The following CADPS variants were observed in gnomAD, a reference collection of about 807,000 sequenced individuals.
CADPS encodes calcium-dependent secretion activator 1.
Under a neutral mutation model 167.3 loss-of-function variants are expected in CADPS, and 57 were observed. The observed-to-expected ratio is 0.34, with a 90% CI of 0.28 to 0.42. The LOEUF (loss-of-function observed/expected upper bound fraction) is 0.42. Among genes scored for constraint, CADPS ranks in the 20% least tolerant of loss-of-function variants. CADPS has a pLI of 1.00. For missense variants in CADPS, 1,414 were observed against 1,738.1 expected (o/e 0.81, Z 3.32); for synonymous variants, 676 against 635.3 (o/e 1.06, Z -0.96).
chr3:62,737,135 C>G (rs930214233), intron 3 of CADPS, among the ~76,000 whole-genome samples: 11 of 151,858 alleles, frequency 7.2e-5, no homozygotes, highest in African/African-American at 2.7e-4. Flanking sequence ...GAGACTCCAT[C>G]TAAAAAAATA....
At chr3:62,467,569 C>T (rs967862485) in intron 24 of CADPS, among the ~76,000 whole-genome samples, 5 of 152,004 alleles carry the variant, frequency 3.3e-5, no homozygotes, top group African/African-American at 1.2e-4. Context: ...ATTGGAAGAC[C>T]TGGATAAAGT....
intron 17 of CADPS, among the ~76,000 whole-genome samples, chr3:62,502,387 C>T (rs2065912374): frequency 6.6e-6 from 1 of 151,742 alleles, no homozygotes; most frequent in Non-Finnish European, 1.5e-5. Context: ...AGCTGGAGCA[C>T]TGATAAAATG....
chr3:62,524,169 G>A (rs2071444085), intron 13 of CADPS, among the ~76,000 whole-genome samples: 1 of 152,212 alleles, frequency 6.6e-6, no homozygotes, highest in African/African-American at 2.4e-5. Flanking sequence ...TGCATGGAAA[G>A]TTTTCCTTTG....
At chr3:62,460,934 T>C (rs967558861) in intron 26 of CADPS, among the ~76,000 whole-genome samples, 2 of 152,172 alleles carry the variant, frequency 1.3e-5, no homozygotes, top group African/African-American at 4.8e-5. Context: ...ATTTATTTGA[T>C]CGGAGGAGGA....
At chr3:62,695,465 T>C (rs1375088314) in intron 3 of CADPS, among the ~76,000 whole-genome samples, 1 of 152,076 alleles carries the variant, frequency 6.6e-6, no homozygotes, top group Non-Finnish European at 1.5e-5. Flanking sequence ...TATCCATATC[T>C]AGGAAAGATA....
chr3:62,503,032 C>T (rs1474053447), intron 17 of CADPS, among the ~76,000 whole-genome samples: 1 of 151,998 alleles, frequency 6.6e-6, no homozygotes, highest in Non-Finnish European at 1.5e-5. Context: ...GACAAGGACT[C>T]TTACCAGTGT....
intron 17 of CADPS, among the ~76,000 whole-genome samples, chr3:62,504,137 T>C (rs992168660): frequency 6.6e-6 from 1 of 152,158 alleles, no homozygotes; most frequent in African/African-American, 2.4e-5. Context: ...TGCTGGACCA[T>C]TTCAGTGTTT....
rs376128129 is a variant in CADPS at position 62,591,477 on chromosome 3, G to A, written c.1437+1160C>T. 2.8e-4 allele frequency among the ~76,000 whole-genome samples: 43 copies of A among 152,282 alleles called. No homozygotes were observed. The South Asian group carries it at 5.2e-3, about 18-fold the overall frequency. Reference sequence around the variant, plus strand: ...TGACAACAGATAGAAAGTCCCCTGAGGAGGGAGAGAATTTGGTTTATATGA... The same window carrying A: ...TGACAACAGATAGAAAGTCCCCTGAAGAGGGAGAGAATTTGGTTTATATGA... On this transcript the variant is annotated intron_variant, in intron 7 of 29. Transcript: ENST00000383710.
At chr3:62,583,960 T>C (rs1451390495) in intron 8 of CADPS, among the ~76,000 whole-genome samples, 1 of 152,016 alleles carries the variant, frequency 6.6e-6, no homozygotes, top group Non-Finnish European at 1.5e-5. Context: ...GCCCTGAAAT[T>C]GGGTTTGTGA....
chr3:62,670,453 T>G (rs1268034266), intron 3 of CADPS, among the ~76,000 whole-genome samples: 1 of 152,194 alleles, frequency 6.6e-6, no homozygotes, highest in Non-Finnish European at 1.5e-5. Context: ...TTATCATGCC[T>G]TATTTCCTTT....
At chr3:62,618,925 G>A (rs559097727) in intron 6 of CADPS, among the ~76,000 whole-genome samples, 96 of 152,312 alleles carry the variant, frequency 6.3e-4, no homozygotes, top group Admixed American at 6.3e-3. Flanking sequence ...TAACAGTCTG[G>A]ATTGTTGTAT....
intron 1 of CADPS, among the ~76,000 whole-genome samples, chr3:62,863,574 A>T (rs1478312698): frequency 6.6e-6 from 1 of 152,154 alleles, no homozygotes; most frequent in Non-Finnish European, 1.5e-5. Context: ...CAGCACAGGG[A>T]TGTTAAGTGG....
At chr3:62,453,777 C>G (rs531603922) in intron 26 of CADPS, among the ~76,000 whole-genome samples, 2 of 152,262 alleles carry the variant, frequency 1.3e-5, no homozygotes, top group Non-Finnish European at 2.9e-5. Flanking sequence ...GAATCATAGA[C>G]AGCATGATGG....
chr3:62,405,825 T>C (rs1708276721), intron 28 of CADPS, among the ~76,000 whole-genome samples: 2 of 152,204 alleles, frequency 1.3e-5, no homozygotes, highest in African/African-American at 2.4e-5. Flanking sequence ...GGAGATGAAA[T>C]TGGAGGCACT....
chr3:62,736,113 C>A (rs889018916), intron 3 of CADPS, among the ~76,000 whole-genome samples: 6 of 152,216 alleles, frequency 3.9e-5, no homozygotes, highest in Non-Finnish European at 5.9e-5. Context: ...GTTCAAGTTC[C>A]AAGGATACCT....
chr3:62,437,257 C>G (rs1025409898), intron 28 of CADPS, among the ~76,000 whole-genome samples: 2 of 151,760 alleles, frequency 1.3e-5, no homozygotes, highest in African/African-American at 4.8e-5. Flanking sequence ...GGTGGAAACC[C>G]GAGATGAAAT....
chr3:62,727,053 C>T (rs1432608937), intron 3 of CADPS, among the ~76,000 whole-genome samples: 2 of 151,894 alleles, frequency 1.3e-5, no homozygotes, highest in African/African-American at 4.9e-5. Flanking sequence ...TGGAAAACTT[C>T]TTGGCACTAT....
chr3:62,443,562 A>G, intron 27 of CADPS, among the ~76,000 whole-genome samples: 1 of 152,156 alleles, frequency 6.6e-6, no homozygotes. Flanking sequence ...TAATTGAATC[A>G]TGGGGGTGGT....
At chr3:62,680,282 ATG>A (rs2076949448) in intron 3 of CADPS, among the ~76,000 whole-genome samples, 1 of 152,020 alleles carries the variant, frequency 6.6e-6, no homozygotes, top group African/African-American at 2.4e-5. Flanking sequence ...TTTCTGAAAA[ATG>A]GGGATAAGCA....
Sources: allele counts gnomAD v4.1 joint callset (sites outside exome capture counted in the v4.1 genomes callset), GRCh38; gene constraint gnomAD v4.1.1; transcripts MANE v1.5; gene names NCBI Gene and HGNC (gene_info 2026-07-23, HGNC 2026-07-21).